Variants in MTSS1 observed in about 807,000 individuals in gnomAD.
The protein encoded by MTSS1 is MTSS I-BAR domain containing 1.
In MTSS1, 18 loss-of-function variants were observed where a neutral mutation model predicts 79.0. The observed-to-expected ratio is 0.23, with a 90% CI of 0.16 to 0.34. The LOEUF is 0.34. Among genes scored for constraint, MTSS1 ranks in the 10% least tolerant of loss-of-function variants. MTSS1 has a pLI of 1.00. For missense variants in MTSS1, 815 were observed against 986.2 expected, an observed-to-expected ratio of 0.83 and a Z score of 2.33; for synonymous variants, 341 against 368.6, an observed-to-expected ratio of 0.93 and a Z score of 0.86.
intron 3 of MTSS1, among the ~76,000 whole-genome samples, chr8:124,654,671 C>T (rs1290339384): frequency 1.3e-5 from 2 of 152,168 alleles, no homozygotes; most frequent in African/African-American, 4.8e-5. Context: ...TGACCTTGGC[C>T]AGCTGCGTAC....
At chr8:124,665,161 AT>A (rs1001604259) in intron 3 of MTSS1, among the ~76,000 whole-genome samples, 3 of 152,190 alleles carry the variant, frequency 2.0e-5, no homozygotes. Flanking sequence ...CACTTAAACT[AT>A]TTGAACATGT....
In MTSS1 at chr8:124,589,882, G is replaced by T. The variant is rs4871508; in HGVS notation, c.294-171C>A. Among the ~76,000 whole-genome samples, 11 of 152,048 alleles carry T rather than the reference G, an allele frequency of 7.2e-5. No individual in the cohort carries two copies. The South Asian group carries it at 2.3e-3, about 32-fold the overall frequency. Reference sequence around the variant, plus strand: ...CCAAGAATGCTTTTCTTTTAAGACAGAGTCTCGCTCTGTCACCAGGCTGGA... The same window carrying T: ...CCAAGAATGCTTTTCTTTTAAGACATAGTCTCGCTCTGTCACCAGGCTGGA... On this transcript the variant is annotated intron_variant, in intron 4 of 13. Coordinates refer to ENST00000518547, the MANE Select transcript of MTSS1 (RefSeq NM_014751.6).
intron 3 of MTSS1, among the ~76,000 whole-genome samples, chr8:124,695,345 A>AC (rs1564011025): frequency 6.6e-6 from 1 of 152,020 alleles, no homozygotes; most frequent in South Asian, 2.1e-4. Context: ...TAAAAAAAAA[A>AC]AAATACATGT....
intron 3 of MTSS1, among the ~76,000 whole-genome samples, chr8:124,679,575 T>C (rs55869077): frequency 0.16 from 24,019 of 152,232 alleles, 2,115 homozygotes; most frequent in Admixed American, 0.27. Context: ...GATCTGCTTC[T>C]AGAGCCCTTC....
chr8:124,633,642 C>A (rs759479212), intron 3 of MTSS1, among the ~76,000 whole-genome samples: 1 of 151,976 alleles, frequency 6.6e-6, no homozygotes, highest in Non-Finnish European at 1.5e-5. Flanking sequence ...TGGTGGCACA[C>A]GCCTGTAATC....
intron 3 of MTSS1, among the ~76,000 whole-genome samples, chr8:124,629,644 C>G (rs766935231): frequency 6.6e-6 from 1 of 152,104 alleles, no homozygotes; most frequent in Non-Finnish European, 1.5e-5. Context: ...GTTCCCACAT[C>G]CCTGGTTGGT....
intron 6 of MTSS1, among the ~76,000 whole-genome samples, chr8:124,571,121 G>A (rs1274786634): frequency 6.6e-6 from 1 of 152,152 alleles, no homozygotes; most frequent in East Asian, 1.9e-4. Context: ...GGCCACCTGA[G>A]CCACTGGTTT....
chr8:124,562,643 G>T, intron 10 of MTSS1, 139 bp downstream of exon 10: 1 of 821,952 alleles, frequency 1.2e-6, no homozygotes, highest in Non-Finnish European at 1.9e-6. Flanking sequence ...TACATCTAAA[G>T]ATGAGAAATT....
chr8:124,579,592 G>A (rs980143617), intron 6 of MTSS1: 18 of 152,308 alleles, frequency 1.2e-4, no homozygotes, highest in African/African-American at 4.3e-4. Flanking sequence ...ACTAGAAACT[G>A]TGCAAGCTGT....
chr8:124,704,001 C>G, intron 2 of MTSS1, 129 bp downstream of exon 2: 2 of 776,044 alleles, frequency 2.6e-6, no homozygotes, highest in Admixed American at 4.0e-5. Flanking sequence ...CCAATCAGAA[C>G]CCAGCACAGG....
Position 124,610,335 on chromosome 8 carries a change from A to G in MTSS1, c.209-19100T>C, listed in dbSNP as rs1017317151. ...TTAAAATGCTCACAGTACTCAAGAC[A>G]TATTTTTTTAGAAGATAATTACTAA... is the stretch of plus-strand genomic sequence containing the variant. On this transcript the variant is annotated intron_variant, in intron 3 of 13. Transcript: ENST00000518547. Among the ~76,000 whole-genome samples the G allele has an allele frequency of 7.2e-5, 11 of 152,312 alleles. No individual in the cohort carries two copies. The East Asian group carries it at 2.1e-3, about 29-fold the overall frequency.
chr8:124,579,630 A>G (rs2132398078), intron 6 of MTSS1: 1 of 152,348 alleles, frequency 6.6e-6, no homozygotes, highest in Middle Eastern at 3.4e-3. Context: ...GAGAACTGGA[A>G]AGGATGATCC....
At chr8:124,628,228 C>G (rs186904734) in intron 3 of MTSS1, among the ~76,000 whole-genome samples, 1 of 152,284 alleles carries the variant, frequency 6.6e-6, no homozygotes, top group Non-Finnish European at 1.5e-5. Flanking sequence ...GTCAGTAATA[C>G]AAACAGAAAC....
intron 3 of MTSS1, among the ~76,000 whole-genome samples, chr8:124,691,493 T>C (rs1271634179): frequency 6.6e-6 from 1 of 152,132 alleles, no homozygotes; most frequent in Admixed American, 6.5e-5. Flanking sequence ...CATACACATA[T>C]ATACAGTTTA....
chr8:124,661,591 G>T (rs1822039854), intron 3 of MTSS1, among the ~76,000 whole-genome samples: 1 of 152,180 alleles, frequency 6.6e-6, no homozygotes, highest in African/African-American at 2.4e-5. Flanking sequence ...CCACGCCAAA[G>T]GTGCAGACAC....
In MTSS1 at chr8:124,683,953, C is replaced by G. The variant is rs10087702; in HGVS notation, c.208+15573G>C. Among the ~76,000 whole-genome samples the G allele has an allele frequency of 6.6e-6, 1 of 152,134 alleles. No homozygotes were observed. Among genetic ancestry groups the G allele is most frequent in the Admixed American group, 6.5e-5 (1 of 15,272 alleles). On this transcript the variant is annotated intron_variant, in intron 3 of 13. Coordinates refer to ENST00000518547, the MANE Select transcript of MTSS1 (RefSeq NM_014751.6). The surrounding 1 kb of genome is among the most constrained non-coding windows in gnomAD (Gnocchi z 4.5). ...AAAAAGTGACCTGGGCCATAGGATTCTCAAATACTGATCATCTGAACAAAT... is the reference window on the plus strand; with the variant it reads ...AAAAAGTGACCTGGGCCATAGGATTGTCAAATACTGATCATCTGAACAAAT...
chr8:124,601,062 A>ATTTTTTTTTTTTTTTTTTTTTTTTTTTTT (rs35966615), intron 3 of MTSS1, among the ~76,000 whole-genome samples: 2 of 88,662 alleles, frequency 2.3e-5, no homozygotes, highest in Non-Finnish European at 2.3e-5. Context: ...CTTGACTGTA[A>ATTTTTTTTTTTTTTTTTTTTTTTTTTTTT]TTTTTTTTTT....
intron 3 of MTSS1, among the ~76,000 whole-genome samples, chr8:124,690,914 T>C (rs1827832788): frequency 1.3e-5 from 2 of 152,234 alleles, no homozygotes; most frequent in Admixed American, 1.3e-4. Context: ...TTGTTATTTC[T>C]AGTTCTTATG....
At chr8:124,680,096 G>A (rs1172292094) in intron 3 of MTSS1, among the ~76,000 whole-genome samples, 2 of 152,106 alleles carry the variant, frequency 1.3e-5, no homozygotes, top group East Asian at 3.9e-4. Context: ...GAAACACACA[G>A]GGAAAGCTAA....
Sources: gnomAD v4.1 joint callset for allele counts (sites outside exome capture counted in the v4.1 genomes callset) on GRCh38, gnomAD v4.1.1 for gene constraint, Gnocchi (gnomAD v3.1) non-coding constraint, MANE v1.5 for transcripts, NCBI Gene and HGNC (gene_info 2026-07-23, HGNC 2026-07-21) for gene names.